The following TTLL5 variants were observed in gnomAD, a reference collection of about 807,000 sequenced individuals.
TTLL5 encodes tubulin tyrosine ligase like 5.
A neutral mutation model predicts 168.4 loss-of-function variants in TTLL5; 132 were observed. The ratio of observed to expected loss-of-function variants is 0.78; its 90% confidence interval spans 0.68 to 0.91. The LOEUF is 0.91. Ranked by LOEUF, TTLL5 falls within the 40% of genes least tolerant of loss-of-function variation. The pLI, the probability that TTLL5 is intolerant of heterozygous loss-of-function variation, is 0.00. For missense variants in TTLL5, 1,545 were observed against 1,581.5 expected (o/e 0.98, Z 0.39); for synonymous variants, 546 against 558.6 (o/e 0.98, Z 0.32).
intron 17 of TTLL5, among the ~76,000 whole-genome samples, chr14:75,748,101 C>T (rs1318757658): frequency 6.6e-6 from 1 of 152,108 alleles, no homozygotes. Context: ...GTGTATTTCC[C>T]TCTGTCAGAG....
At chr14:75,761,226 A>G (rs1181162630) in intron 18 of TTLL5, among the ~76,000 whole-genome samples, 2 of 152,184 alleles carry the variant, frequency 1.3e-5, no homozygotes, top group Non-Finnish European at 2.9e-5. Flanking sequence ...TACTGACAAT[A>G]CTAAATGGTG....
intron 6 of TTLL5, among the ~76,000 whole-genome samples, chr14:75,698,141 A>T (rs751000533): frequency 6.6e-6 from 1 of 152,190 alleles, no homozygotes; most frequent in Non-Finnish European, 1.5e-5. Flanking sequence ...CCAGTCTGGG[A>T]TGTGAGAATC....
chr14:75,768,919 A>C (rs904162349), intron 20 of TTLL5, among the ~76,000 whole-genome samples: 7 of 152,162 alleles, frequency 4.6e-5, no homozygotes, highest in Admixed American at 1.3e-4. Context: ...AGTGCTACCA[A>C]CTGGCCGTGT....
chr14:75,670,960 C>T lies in TTLL5; in HGVS notation c.181+1438C>T, dbSNP rs181912614. On this transcript the variant is annotated intron_variant, in intron 3 of 31. Coordinates refer to ENST00000298832, the MANE Select transcript of TTLL5 (RefSeq NM_015072.5). ...GTTGCTTATATTCTTTGTGTCATAT[C>T]TAAGAAACCATTGCCTAACCCAAGG... Among the ~76,000 whole-genome samples, 6 of 152,288 alleles carry T rather than the reference C, an allele frequency of 3.9e-5. No homozygotes were observed. In the East Asian group the frequency reaches 1.2e-3, roughly 29 times the overall value.
At chr14:75,892,443 T>C (rs1384538351) in intron 30 of TTLL5, among the ~76,000 whole-genome samples, 1 of 152,226 alleles carries the variant, frequency 6.6e-6, no homozygotes, top group Admixed American at 6.5e-5. Context: ...GAGGAGAACC[T>C]AAAGCCACGC....
intron 29 of TTLL5, among the ~76,000 whole-genome samples, chr14:75,881,598 A>T (rs972253386): frequency 6.6e-6 from 1 of 152,240 alleles, no homozygotes; most frequent in Non-Finnish European, 1.5e-5. Flanking sequence ...TGTCTAGAAG[A>T]TGAATATTTC....
chr14:75,944,833 G>A (rs369868524), intron 31 of TTLL5, among the ~76,000 whole-genome samples: 12 of 152,188 alleles, frequency 7.9e-5, no homozygotes, highest in African/African-American at 2.7e-4. Context: ...TCAGGAGTTG[G>A]GGGAGTGGGC....
At chr14:75,845,893 A>G (rs1896518513) in intron 28 of TTLL5, among the ~76,000 whole-genome samples, 2 of 152,166 alleles carry the variant, frequency 1.3e-5, no homozygotes, top group Admixed American at 6.5e-5. Context: ...TTTTTTGGTG[A>G]TAGCGTACAA....
At chr14:75,828,298 A>G (rs944740886) in intron 28 of TTLL5, among the ~76,000 whole-genome samples, 23 of 152,238 alleles carry the variant, frequency 1.5e-4, no homozygotes, top group African/African-American at 5.1e-4. Flanking sequence ...CTGAGACAGC[A>G]AGACAAACCC....
intron 31 of TTLL5, among the ~76,000 whole-genome samples, chr14:75,936,400 CA>C (rs1266205303): frequency 3.3e-5 from 5 of 152,166 alleles, no homozygotes; most frequent in African/African-American, 1.2e-4. Flanking sequence ...AAAGTGTAGT[CA>C]GATCTTTCTT....
chr14:75,734,040 C>T lies in TTLL5; in HGVS notation c.1176C>T (p.Phe392=), dbSNP rs761830742. The T allele has an allele frequency of 6.2e-7, 1 of 1,613,926 alleles. No homozygotes were observed. Among genetic ancestry groups the T allele is most frequent in the Admixed American group, 1.7e-5 (1 of 60,004 alleles). ...AAGCCAGTATGATTTCAGATATGTT[C>T]ACTGTTGTAGGTGAGTAGTAGTATT... is the stretch of plus-strand genomic sequence containing the variant. ...KIKASMISDM[F]TVVGFVCQDP... Residue 392 remains phenylalanine (F), a synonymous_variant, in exon 14 of 32, where the codon TTC becomes TTT. Coordinates refer to ENST00000298832, the MANE Select transcript of TTLL5 (RefSeq NM_015072.5).
intron 17 of TTLL5, among the ~76,000 whole-genome samples, chr14:75,747,151 T>C (rs1889666996): frequency 6.6e-6 from 1 of 152,058 alleles, no homozygotes; most frequent in Admixed American, 6.5e-5. Context: ...TTTGGGATGG[T>C]TTTGTATTTC....
At chr14:75,833,515 C>G (rs1895696972) in intron 28 of TTLL5, among the ~76,000 whole-genome samples, 1 of 152,076 alleles carries the variant, frequency 6.6e-6, no homozygotes, top group South Asian at 2.1e-4. Flanking sequence ...CTTTTTTTAG[C>G]CACTCACTAG....
At chr14:75,864,031 T>C (rs978193557) in intron 29 of TTLL5, among the ~76,000 whole-genome samples, 169 bp downstream of exon 29, 1 of 149,824 alleles carries the variant, frequency 6.7e-6, no homozygotes, top group Non-Finnish European at 1.5e-5. Flanking sequence ...AAAACTGTTC[T>C]GGAGCCATAA....
intron 29 of TTLL5, among the ~76,000 whole-genome samples, chr14:75,882,091 A>G (rs547187299): frequency 1.4e-3 from 206 of 152,184 alleles, no homozygotes; most frequent in Non-Finnish European, 2.4e-3. Flanking sequence ...CTTTAGGTCA[A>G]CAAAGTGTTT....
chr14:75,916,134 GAGAT>G (rs1237770833), intron 31 of TTLL5, among the ~76,000 whole-genome samples: 1 of 140,770 alleles, frequency 7.1e-6, no homozygotes, highest in Non-Finnish European at 1.5e-5. Flanking sequence ...AAGAAACAGA[GAGAT>G]AGAGAGGGAT....
chr14:75,894,970 G>A (rs2032580576), intron 30 of TTLL5, among the ~76,000 whole-genome samples: 1 of 152,118 alleles, frequency 6.6e-6, no homozygotes, highest in Non-Finnish European at 1.5e-5. Context: ...ATATTAGTGG[G>A]TAATTTATTT....
intron 3 of TTLL5, among the ~76,000 whole-genome samples, chr14:75,675,407 T>A (rs575039419): frequency 4.9e-4 from 75 of 152,316 alleles, no homozygotes; most frequent in African/African-American, 1.7e-3. Context: ...ACAGTTAGAT[T>A]ATTGGTTTGT....
intron 12 of TTLL5, among the ~76,000 whole-genome samples, chr14:75,731,433 A>C (rs1257267975): frequency 6.7e-6 from 1 of 149,902 alleles, no homozygotes; most frequent in East Asian, 2.0e-4. Context: ...AGGACTGTAC[A>C]TTACCGTGAT....
Sources: gnomAD v4.1 joint callset for allele counts (sites outside exome capture counted in the v4.1 genomes callset) on GRCh38, gnomAD v4.1.1 for gene constraint, MANE v1.5 for transcripts, NCBI Gene and HGNC (gene_info 2026-07-23, HGNC 2026-07-21) for gene names.